Variants in RAB27B observed in about 807,000 individuals in gnomAD.
RAB27B encodes ras-related protein Rab-27B.
A neutral mutation model predicts 24.6 loss-of-function variants in RAB27B; 15 were observed. That is an observed-to-expected ratio of 0.61 (90% CI 0.41 to 0.94). The LOEUF (loss-of-function observed/expected upper bound fraction) is 0.94, where lower values mean the gene tolerates loss of function less well. Among genes scored for constraint, RAB27B ranks in the 40% least tolerant of loss-of-function variants. The pLI is 0.00. For synonymous variants in RAB27B, 105 were observed against 92.5 expected, an observed-to-expected ratio of 1.14 and a Z score of -0.78; for missense variants, 261 against 266.8, an observed-to-expected ratio of 0.98 and a Z score of 0.15.
intron 2 of RAB27B, among the ~76,000 whole-genome samples, chr18:54,758,188 A>T (rs1272724842): frequency 6.6e-6 from 1 of 152,182 alleles, no homozygotes; most frequent in African/African-American, 2.4e-5. Flanking sequence ...GAGGTATGAC[A>T]ATTAAGATTG....
chr18:54,831,869 G>A (rs549152167), intron 1 of RAB27B, among the ~76,000 whole-genome samples: 35 of 152,068 alleles, frequency 2.3e-4, no homozygotes, highest in Admixed American at 1.5e-3. Context: ...TCCACATCCC[G>A]GGTTCAGGTG....
chr18:54,874,115 A>G (rs1433763337), intron 1 of RAB27B, among the ~76,000 whole-genome samples: 1 of 152,210 alleles, frequency 6.6e-6, no homozygotes, highest in Non-Finnish European at 1.5e-5. Flanking sequence ...GCTGCCAATC[A>G]GGAAAACATG....
rs778484679 is a variant in RAB27B, at chr18:54,718,420, C to T, written c.-20+279C>T. Among the ~76,000 whole-genome samples the T allele has an allele frequency of 1.1e-4, 16 of 152,250 alleles. 1 individual carries two copies. The Middle Eastern group carries it at 0.02, about 194-fold the overall frequency. On this transcript the variant is annotated intron_variant, in intron 2 of 4. Transcript: ENST00000586570. ...AGATTTTGCTCAGGGCTGCAGACTG[C>T]GTGCATGGATTCTGCTTTCTGTTTT...
chr18:54,818,910 T>A (rs1270484703), intron 2 of RAB27B, among the ~76,000 whole-genome samples: 1 of 152,036 alleles, frequency 6.6e-6, no homozygotes, highest in Non-Finnish European at 1.5e-5. Flanking sequence ...AATATATTGT[T>A]TATAATTGAT....
In RAB27B at chr18:54,753,872, A is replaced by G. The variant is rs1907914908; in HGVS notation, c.-20+35731A>G. ...CAGCCCACCGGAGCCATACACACTC[A>G]CACACTTGGGGTTTAGAAGAAATAT... On this transcript the variant is annotated intron_variant, in intron 2 of 4. Coordinates refer to the RAB27B transcript ENST00000586570. Among the ~76,000 whole-genome samples the G allele has an allele frequency of 2.0e-5, 3 of 152,182 alleles. No homozygotes were observed. The South Asian group carries it at 6.2e-4, about 32-fold the overall frequency.
chr18:54,862,958 G>A (rs551035231), intron 1 of RAB27B, among the ~76,000 whole-genome samples: 4 of 152,058 alleles, frequency 2.6e-5, no homozygotes, highest in African/African-American at 9.7e-5. Flanking sequence ...AGATTGTTTT[G>A]GCTATTCTGT....
At chr18:54,755,446 A>G (rs887889929) in intron 2 of RAB27B, among the ~76,000 whole-genome samples, 1 of 152,160 alleles carries the variant, frequency 6.6e-6, no homozygotes, top group Non-Finnish European at 1.5e-5. Flanking sequence ...AGGGTTTTGT[A>G]TTAAAAAATA....
intron 2 of RAB27B, among the ~76,000 whole-genome samples, chr18:54,792,217 C>A (rs1486972835): frequency 6.6e-6 from 1 of 152,150 alleles, no homozygotes; most frequent in Non-Finnish European, 1.5e-5. Flanking sequence ...GAGGTCGGAG[C>A]CCCATAGCCT....
At chr18:54,860,615 G>T (rs534120764) in intron 1 of RAB27B, among the ~76,000 whole-genome samples, 4 of 152,110 alleles carry the variant, frequency 2.6e-5, no homozygotes, top group African/African-American at 7.2e-5. Flanking sequence ...GATTTTCTGA[G>T]GTAGAACTCA....
chr18:54,807,623 A>G (rs1164303760), intron 2 of RAB27B, among the ~76,000 whole-genome samples: 1 of 152,194 alleles, frequency 6.6e-6, no homozygotes, highest in Admixed American at 6.5e-5. Flanking sequence ...GTGAATATTT[A>G]TAAGGAATGA....
intron 2 of RAB27B, among the ~76,000 whole-genome samples, chr18:54,794,838 T>C (rs905850362): frequency 5.3e-5 from 8 of 152,232 alleles, no homozygotes; most frequent in Non-Finnish European, 8.8e-5. Context: ...ACAAAATAAT[T>C]AAAAATGTAA....
At chr18:54,739,317 G>T (rs56046268) in intron 2 of RAB27B, among the ~76,000 whole-genome samples, 3 of 151,838 alleles carry the variant, frequency 2.0e-5, no homozygotes, top group Non-Finnish European at 4.4e-5. Flanking sequence ...TTAGCCAGGC[G>T]TGGTGGTGGG....
intron 2 of RAB27B, among the ~76,000 whole-genome samples, chr18:54,735,793 A>G (rs1048458032): frequency 1.3e-5 from 2 of 152,138 alleles, no homozygotes; most frequent in African/African-American, 2.4e-5. Flanking sequence ...AGGTGCTGGG[A>G]TTAGAGGTGT....
At chr18:54,852,581 T>C (rs1281435691) in intron 1 of RAB27B, among the ~76,000 whole-genome samples, 1 of 152,216 alleles carries the variant, frequency 6.6e-6, no homozygotes, top group African/African-American at 2.4e-5. Flanking sequence ...GGCTCAAGTT[T>C]CTTTGATCTG....
intron 1 of RAB27B, among the ~76,000 whole-genome samples, chr18:54,862,962 A>G (rs1247317780): frequency 4.6e-5 from 7 of 152,200 alleles, no homozygotes; most frequent in Admixed American, 1.3e-4. Context: ...TGTTTTGGCT[A>G]TTCTGTGTCC....
intron 2 of RAB27B, among the ~76,000 whole-genome samples, chr18:54,731,028 T>C (rs1909714609): frequency 6.6e-6 from 1 of 152,204 alleles, no homozygotes; most frequent in Admixed American, 6.5e-5. Context: ...TTATTTAATT[T>C]GGCAATAAGG....
intron 2 of RAB27B, among the ~76,000 whole-genome samples, chr18:54,759,956 G>A (rs568083544): frequency 6.6e-6 from 1 of 152,208 alleles, no homozygotes; most frequent in South Asian, 2.1e-4. Flanking sequence ...TCTTCAATTT[G>A]TTCCTGCAAC....
chr18:54,884,238 G>T, intron 3 of RAB27B, 95 bp from the exon 4 acceptor site: 1 of 734,536 alleles, frequency 1.4e-6, no homozygotes, highest in African/African-American at 1.8e-5. Flanking sequence ...GGCCAGTCAC[G>T]GAGAATTCAT....
chr18:54,867,704 C>G (rs950459455), intron 1 of RAB27B, among the ~76,000 whole-genome samples: 39 of 152,034 alleles, frequency 2.6e-4, no homozygotes, highest in Non-Finnish European at 4.6e-4. Flanking sequence ...CTCAGCCTCC[C>G]AAAATGCTGG....
Sources: allele counts gnomAD v4.1 joint callset (sites outside exome capture counted in the v4.1 genomes callset), GRCh38; gene constraint gnomAD v4.1.1; transcripts MANE v1.5; gene names NCBI Gene and HGNC (gene_info 2026-07-23, HGNC 2026-07-21).